Variants in GET1 observed in about 807,000 individuals in gnomAD.
The protein encoded by GET1 is congenital heart disease 5 protein.
In GET1, 20 loss-of-function variants were observed where a neutral mutation model predicts 22.6. That is an observed-to-expected ratio of 0.89 (90% CI 0.62 to 1.29). The LOEUF (loss-of-function observed/expected upper bound fraction) is 1.29, where lower values mean the gene tolerates loss of function less well. Among genes scored for constraint, GET1 ranks in the 50% most tolerant of loss-of-function variants. GET1 has a pLI of 0.00. For missense variants in GET1, 209 were observed against 219.9 expected (o/e 0.95, Z 0.31); for synonymous variants, 92 against 83.8 (o/e 1.10, Z -0.53).
intron 1 of GET1, chr21:39,422,914 A>G (rs2074009110): frequency 6.7e-7 from 1 of 1,486,196 alleles, no homozygotes; most frequent in African/African-American, 1.4e-5. Context: ...TCCATGATTA[A>G]TTCACACCCT....
At chr21:39,405,189 G>A (rs1011843329) in intron 4 of GET1, among the ~76,000 whole-genome samples, 2 of 151,692 alleles carry the variant, frequency 1.3e-5, no homozygotes, top group Non-Finnish European at 2.9e-5. Context: ...TTTCAAAGCT[G>A]CTGCCACATT....
intron 1 of GET1, among the ~76,000 whole-genome samples, chr21:39,414,738 C>CTGTGTGTGTGTGTGTGTGTGTGTGTG (rs763309098): frequency 9.3e-6 from 1 of 107,374 alleles, no homozygotes; most frequent in African/African-American, 3.9e-5. Flanking sequence ...CTCTCTCTCT[C>CTGTGTGTGTGTGTGTGTGTGTGTGTG]TCTCTGTGTG....
chr21:39,426,444 G>C (rs2074721582), intron 1 of GET1, among the ~76,000 whole-genome samples: 1 of 152,152 alleles, frequency 6.6e-6, no homozygotes, highest in Non-Finnish European at 1.5e-5. Context: ...GTAGTATATA[G>C]ATTCAAGATC....
chr21:39,398,256 GT>G (rs2038747870), downstream of GET1, among the ~76,000 whole-genome samples: 1 of 152,176 alleles, frequency 6.6e-6, no homozygotes, highest in African/African-American at 2.4e-5. Context: ...GCAGGAACTA[GT>G]CCTTCAGACG....
intron 1 of GET1, chr21:39,414,103 A>G (rs2040598084): frequency 6.6e-6 from 1 of 152,276 alleles, no homozygotes; most frequent in Non-Finnish European, 1.5e-5. Context: ...GTCAAGGGAA[A>G]CAAGAAGCTA....
exon 2 of GET1, chr21:39,428,418 ACCT>A (rs776409147): frequency 5.6e-6 from 9 of 1,611,898 alleles, no homozygotes; most frequent in African/African-American, 5.4e-5. Context: ...CATGCTGCAG[ACCT>A]CCTATTGTTT....
chr21:39,414,448 G>A (rs964609170), intron 1 of GET1, among the ~76,000 whole-genome samples: 1 of 152,080 alleles, frequency 6.6e-6, no homozygotes, highest in Non-Finnish European at 1.5e-5. Flanking sequence ...GTAAAGAAAC[G>A]AACTTTTGAC....
chr21:39,384,075 G>A (rs1034818866), intron 1 of GET1, among the ~76,000 whole-genome samples: 4 of 151,472 alleles, frequency 2.6e-5, no homozygotes, highest in Admixed American at 6.6e-5. Context: ...CATTCTAATG[G>A]ACGTAAGGTG....
chr21:39,422,157 C>T (rs567748340), intron 1 of GET1: 1 of 152,160 alleles, frequency 6.6e-6, no homozygotes, highest in African/African-American at 2.4e-5. Flanking sequence ...GAGATTAAAA[C>T]GTGGAGGAAA....
intron 1 of GET1, chr21:39,387,862 TG>T (rs1288110232): frequency 1.0e-6 from 1 of 965,994 alleles, no homozygotes; most frequent in Non-Finnish European, 1.2e-6. Context: ...ACCTGTAAGC[TG>T]GAAGGGGGAG....
chr21:39,422,952 T>C, intron 1 of GET1: 1 of 1,600,326 alleles, frequency 6.2e-7, no homozygotes. Flanking sequence ...AATCTTAAAC[T>C]GTCTGGGCCC....
chr21:39,399,525 A>T (rs565155622), downstream of GET1, among the ~76,000 whole-genome samples: 1 of 152,046 alleles, frequency 6.6e-6, no homozygotes, highest in South Asian at 2.1e-4. Context: ...GCTCACTGCA[A>T]CCTCTGCCTC....
At chr21:39,421,197 G>A (rs1480491238) in intron 1 of GET1, among the ~76,000 whole-genome samples, 1 of 151,680 alleles carries the variant, frequency 6.6e-6, no homozygotes, top group Non-Finnish European at 1.5e-5. Context: ...CCACCTCCTG[G>A]GTTCAAACGA....
At chr21:39,382,507 C>T (rs1474438852) in intron 1 of GET1, among the ~76,000 whole-genome samples, 1 of 152,228 alleles carries the variant, frequency 6.6e-6, no homozygotes, top group African/African-American at 2.4e-5. Context: ...TGGAATCAGA[C>T]AGTATTTTTC....
At chr21:39,421,141 T>G (rs2042239225) in intron 1 of GET1, among the ~76,000 whole-genome samples, 1 of 151,536 alleles carries the variant, frequency 6.6e-6, no homozygotes. Flanking sequence ...CTTGCTCTGT[T>G]GCCCAGGCTG....
At chr21:39,403,375 G>GGAGT (rs2038888029) in intron 4 of GET1, among the ~76,000 whole-genome samples, 1 of 151,984 alleles carries the variant, frequency 6.6e-6, no homozygotes, top group South Asian at 2.1e-4. Context: ...TGCCCAGGCT[G>GGAGT]GAGTGCAGTG....
chr21:39,428,216 T>A (rs369749917), intron 1 of GET1: 2 of 1,600,796 alleles, frequency 1.2e-6, no homozygotes, highest in African/African-American at 2.7e-5. Context: ...TTTCTTCTCC[T>A]TTTCTTTTAC....
At chr21:39,420,753 T>C (rs1312196464) in intron 1 of GET1, 2 of 1,613,516 alleles carry the variant, frequency 1.2e-6, no homozygotes. Flanking sequence ...AGAGTCTTGG[T>C]AGCTGTCTGA....
chr21:39,416,068 T>C lies in GET1; in HGVS notation c.*23+5131T>C, dbSNP rs887247071. On this transcript the variant is annotated intron_variant, in intron 1 of 1. Transcript: ENST00000478273. Reference sequence around the variant, plus strand: ...GTTTCCAAAATAGTGACAATTCTAATCCTGTCATTCCTTCTTCATTATTGA... The same window carrying C: ...GTTTCCAAAATAGTGACAATTCTAACCCTGTCATTCCTTCTTCATTATTGA... Among the ~76,000 whole-genome samples, 5 of 152,356 alleles carry C rather than the reference T, an allele frequency of 3.3e-5. No homozygotes were observed. The East Asian group carries it at 7.7e-4, about 23-fold the overall frequency.
Sources: gnomAD v4.1 joint callset for allele counts (sites outside exome capture counted in the v4.1 genomes callset) on GRCh38, gnomAD v4.1.1 for gene constraint, MANE v1.5 for transcripts, NCBI Gene and HGNC (gene_info 2026-07-23, HGNC 2026-07-21) for gene names.